Variants in TADA2A observed in about 807,000 individuals in gnomAD.
TADA2A encodes the protein transcriptional adaptor 2A.
In TADA2A, 38 loss-of-function variants were observed where a neutral mutation model predicts 67.4. The ratio of observed to expected loss-of-function variants is 0.56; its 90% CI spans 0.44 to 0.74. The LOEUF (loss-of-function observed/expected upper bound fraction) is 0.74, where lower values mean the gene tolerates loss of function less well. Ranked by LOEUF, TADA2A falls within the 30% of genes least tolerant of loss-of-function variation. The pLI, the probability that TADA2A is intolerant of heterozygous loss-of-function variation, is 0.00. For missense variants in TADA2A, 454 were observed against 547.0 expected, an observed-to-expected ratio of 0.83 and a Z score of 1.70; for synonymous variants, 192 against 181.6, an observed-to-expected ratio of 1.06 and a Z score of -0.46.
At chr17:37,467,911 A>G (rs556126094) in intron 12 of TADA2A, among the ~76,000 whole-genome samples, 3 of 152,110 alleles carry the variant, frequency 2.0e-5, no homozygotes, top group Admixed American at 2.0e-4. Flanking sequence ...GTGAAACCCT[A>G]CCTCTACTAA....
rs774995909 is a variant in TADA2A, at chr17:37,478,314, G to A, written c.*1332G>A. 1.3e-5 allele frequency: 2 copies of A among 152,198 alleles called. No individual in the cohort carries two copies. The highest frequency in any genetic ancestry group is 2.4e-5 in the African/African-American group (1 of 41,432). The allele number at this position is 152,198 out of a possible 1,614,324, so 9.4% of individuals were successfully genotyped here. ...CTGGTAACTGAAACACACTTAAGGTGTTGGATGCCTGCCCCATCACGCTGC... is the reference window on the plus strand; with the variant it reads ...CTGGTAACTGAAACACACTTAAGGTATTGGATGCCTGCCCCATCACGCTGC... On this transcript the variant is annotated 3_prime_UTR_variant, in exon 16 of 16. Coordinates refer to ENST00000615182, the MANE Select transcript of TADA2A (RefSeq NM_001166105.3).
rs1020173351 is a variant in TADA2A at position 37,473,127 on chromosome 17, ATTTTTTTTT to A, written c.1073-1412_1073-1404del. 2.6e-4 allele frequency among the ~76,000 whole-genome samples: 22 copies of A among 85,690 alleles called. 1 individual carries two copies. The highest frequency in any genetic ancestry group is 8.8e-4 in the African/African-American group (20 of 22,786). The allele number at this position is 85,690 out of a possible 152,430, so 56.2% of individuals were successfully genotyped here. A position where few individuals can be genotyped will look rare whatever the true frequency, so the allele number is the denominator to read the frequency against. On this transcript the variant is annotated intron_variant, in intron 14 of 15. Transcript: ENST00000615182. ...GGTGAATGCCACCAAACCTGGAGAAATTTTTTTTTTTTTTTTTTTTTTTTTGGTAGAAAC... is the reference window on the plus strand; with the variant it reads ...GGTGAATGCCACCAAACCTGGAGAAATTTTTTTTTTTTTTTTGGTAGAAAC...
At chr17:37,467,611 T>G in intron 12 of TADA2A, 86 bp downstream of exon 12, 2 of 1,263,978 alleles carry the variant, frequency 1.6e-6, no homozygotes, top group Non-Finnish European at 2.2e-6. Context: ...TGTGAATTTT[T>G]TTTTAAAAAA....
In TADA2A at chr17:37,476,761, G is replaced by T. The variant is rs201975828; in HGVS notation, c.1147-36G>T. 46 of 1,571,176 alleles carry T rather than the reference G, an allele frequency of 2.9e-5. No homozygotes were observed. In the African/African-American group the frequency reaches 5.3e-4, roughly 18 times the overall value. The stretch of plus-strand genomic sequence containing the variant: ...GCTGGATTAAATTACAAAAATGACA[G>T]ATGTTAATGTTTATTAAATTTGCCG... On this transcript the variant is annotated intron_variant, in intron 15 of 15. Transcript: ENST00000615182.
At chr17:37,459,247 C>T (rs1473753003) in intron 9 of TADA2A, among the ~76,000 whole-genome samples, 2 of 146,250 alleles carry the variant, frequency 1.4e-5, no homozygotes, top group Admixed American at 1.4e-4. Context: ...TATTGTTACA[C>T]TTTTTTTTTT....
chr17:37,458,490 T>C (rs9897879), intron 8 of TADA2A, 34 bp from the exon 9 acceptor site: 330,501 of 1,367,776 alleles, frequency 0.24, 39,866 homozygotes, highest in Admixed American at 0.36. Flanking sequence ...ATATATGATA[T>C]GTATATATAG....
chr17:37,407,074 C>T (rs1435611828), intron 1 of TADA2A, 125 bp downstream of exon 1: 2 of 145,446 alleles, frequency 1.4e-5, no homozygotes, highest in African/African-American at 5.0e-5. Context: ...GCTGCGGGCC[C>T]CGGCGGCGGG....
chr17:37,451,503 G>C (rs183686310), intron 8 of TADA2A, among the ~76,000 whole-genome samples: 87 of 151,758 alleles, frequency 5.7e-4, no homozygotes, highest in Non-Finnish European at 1.2e-3. Context: ...GTACATTTTT[G>C]TAGAGACAGG....
intron 2 of TADA2A, among the ~76,000 whole-genome samples, chr17:37,421,369 C>CCTGTCTCAAGAAGACT (rs11268821): frequency 6.9e-6 from 1 of 145,596 alleles, no homozygotes; most frequent in Non-Finnish European, 1.5e-5. Flanking sequence ...AGTCTAAGAC[C>CCTGTCTCAAGAAGACT]CTGTCTCAAG....
In TADA2A at chr17:37,444,785, T is replaced by C. The variant is rs1387891573; in HGVS notation, c.604+17T>C. ...TTTTACATGGTAACAGTTTATTTTGTCAAATGTTTATCGAGCGCCAACTGT... is the reference window on the plus strand; with the variant it reads ...TTTTACATGGTAACAGTTTATTTTGCCAAATGTTTATCGAGCGCCAACTGT... On this transcript the variant is annotated intron_variant, in intron 8 of 15. Coordinates refer to ENST00000615182, the MANE Select transcript of TADA2A (RefSeq NM_001166105.3). 6.2e-7 allele frequency: 1 copy of C among 1,612,424 alleles called. No homozygotes were observed. Among genetic ancestry groups the C allele is most frequent in the East Asian group, 2.2e-5 (1 of 44,870 alleles).
At chr17:37,454,903 GAA>G (rs2053342987) in intron 8 of TADA2A, 1 of 217,960 alleles carries the variant, frequency 4.6e-6, no homozygotes, top group South Asian at 8.7e-5. Context: ...TGAAGCCTGT[GAA>G]AGTGTCAGCT....
At chr17:37,467,702 A>G (rs2053696178) in intron 12 of TADA2A, among the ~76,000 whole-genome samples, 177 bp downstream of exon 12, 1 of 152,124 alleles carries the variant, frequency 6.6e-6, no homozygotes, top group Non-Finnish European at 1.5e-5. Context: ...CTTTGTATAG[A>G]TTATCTTTGG....
At chr17:37,450,356 G>A (rs144296874) in intron 8 of TADA2A, among the ~76,000 whole-genome samples, 2 of 152,334 alleles carry the variant, frequency 1.3e-5, no homozygotes, top group East Asian at 3.9e-4. Flanking sequence ...TTTGGTCGCA[G>A]TAGGGATTTT....
intron 11 of TADA2A, among the ~76,000 whole-genome samples, chr17:37,466,722 TTATGTGTCATTCC>T (rs1335097882): frequency 5.9e-5 from 9 of 152,158 alleles, no homozygotes; most frequent in Non-Finnish European, 7.4e-5. Context: ...CACCCCTGGT[TTATGTGTCATTCC>T]AAAACACTAC....
At chr17:37,474,830 C>T in intron 15 of TADA2A, among the ~76,000 whole-genome samples, 1 of 152,148 alleles carries the variant, frequency 6.6e-6, no homozygotes, top group East Asian at 1.9e-4. Flanking sequence ...TGTCACCCTA[C>T]CACCATTCCT....
intron 4 of TADA2A, among the ~76,000 whole-genome samples, chr17:37,429,039 C>T (rs954645027): frequency 4.6e-4 from 62 of 134,422 alleles, no homozygotes; most frequent in African/African-American, 1.8e-3. Flanking sequence ...GAGTGAGACT[C>T]CGTCTCAAAA....
rs853204 is a variant in TADA2A at position 37,464,123 on chromosome 17, T to G, written c.713-1308T>G. Reference sequence around the variant, plus strand: ...ATCTACCAGTTATTGTTAGTCAGTTTTACTCTCCATCTTCTTTGCAGATAC... The same window carrying G: ...ATCTACCAGTTATTGTTAGTCAGTTGTACTCTCCATCTTCTTTGCAGATAC... On this transcript the variant is annotated intron_variant, in intron 10 of 15. Coordinates refer to ENST00000615182, the MANE Select transcript of TADA2A (RefSeq NM_001166105.3). Among the ~76,000 whole-genome samples, 828 of 152,328 alleles carry G rather than the reference T, an allele frequency of 5.4e-3. 9 individuals are homozygous for G. The highest frequency in any genetic ancestry group is 0.019 in the African/African-American group (802 of 41,566).
At chr17:37,470,669 T>C in intron 13 of TADA2A, 137 bp downstream of exon 13, 1 of 986,466 alleles carries the variant, frequency 1.0e-6, no homozygotes, top group South Asian at 2.1e-5. Flanking sequence ...TAGCAGTCCA[T>C]CTCAGAAACA....
At chr17:37,412,815 C>A (rs765929033) in intron 2 of TADA2A, among the ~76,000 whole-genome samples, 41 of 151,644 alleles carry the variant, frequency 2.7e-4, no homozygotes, top group Non-Finnish European at 3.7e-4. Flanking sequence ...CTCTTTTTCC[C>A]TGATTCTGAA....
Sources: allele counts gnomAD v4.1 joint callset (sites outside exome capture counted in the v4.1 genomes callset), GRCh38; gene constraint gnomAD v4.1.1; transcripts MANE v1.5; gene names NCBI Gene and HGNC (gene_info 2026-07-23, HGNC 2026-07-21).